The following CARF variants were observed in gnomAD, a reference collection of about 807,000 sequenced individuals.
CARF encodes the protein calcium-responsive transcription factor.
A neutral mutation model predicts 82.0 loss-of-function variants in CARF; 57 were observed. The ratio of observed to expected loss-of-function variants is 0.70; its 90% CI spans 0.56 to 0.87. The LOEUF is 0.87. CARF is among the 40% of genes least tolerant of loss of function. The pLI is 0.00. For missense variants in CARF, 771 were observed against 855.8 expected (o/e 0.90, Z 1.24); for synonymous variants, 268 against 290.1 (o/e 0.92, Z 0.77).
rs375235721 is a variant in CARF, at chr2:202,974,170, CTA to C, written c.1332-162_1332-161del. Among the ~76,000 whole-genome samples, 607 of 152,254 alleles carry C rather than the reference CTA, an allele frequency of 4.0e-3. 4 individuals carry two copies. Among genetic ancestry groups the C allele is most frequent in the African/African-American group, 0.014 (578 of 41,524 alleles). ...TACATTTCTATAGTCTGCAATAATT[CTA>C]TGTTGTATGGAAAAAGTTTAAATAG... is the stretch of plus-strand genomic sequence containing the variant. On this transcript the variant is annotated intron_variant, in intron 12 of 16. Transcript: ENST00000438828.
At chr2:202,927,212 T>C (rs1692006554) in intron 3 of CARF, among the ~76,000 whole-genome samples, 1 of 152,188 alleles carries the variant, frequency 6.6e-6, no homozygotes, top group Admixed American at 6.5e-5. Context: ...GCATTATGTC[T>C]TTTTATTCTG....
At chr2:202,974,036 C>T (rs193197181) in intron 12 of CARF, among the ~76,000 whole-genome samples, 13 of 151,828 alleles carry the variant, frequency 8.6e-5, no homozygotes, top group Admixed American at 2.6e-4. Context: ...TGCAGTGAGC[C>T]GAGATCACAC....
At chr2:202,937,463 T>G (rs1001269985) in intron 3 of CARF, among the ~76,000 whole-genome samples, 29 of 152,252 alleles carry the variant, frequency 1.9e-4, no homozygotes, top group Admixed American at 7.8e-4. Context: ...TGAAATATTT[T>G]TTTTTGCTAA....
chr2:202,964,895 A>ATATG (rs2059483659), intron 9 of CARF, among the ~76,000 whole-genome samples: 1 of 148,730 alleles, frequency 6.7e-6, no homozygotes, highest in Middle Eastern at 3.6e-3. Flanking sequence ...ATATATATAT[A>ATATG]TATATACACA....
chr2:202,983,404 A>C, intron 16 of CARF, 102 bp from the exon 17 acceptor site: 1 of 749,184 alleles, frequency 1.3e-6, no homozygotes, highest in Admixed American at 3.0e-5. Context: ...GAAGAACAAA[A>C]GTTTTCACAG....
At chr2:202,919,589 C>A (rs996830453) in intron 2 of CARF, among the ~76,000 whole-genome samples, 1 of 152,060 alleles carries the variant, frequency 6.6e-6, no homozygotes, top group Admixed American at 6.6e-5. Context: ...TTGTATGTTA[C>A]GGTACTGCTT....
intron 9 of CARF, among the ~76,000 whole-genome samples, chr2:202,963,793 A>G (rs1280562514): frequency 6.6e-6 from 1 of 152,108 alleles, no homozygotes; most frequent in African/African-American, 2.4e-5. Context: ...GCAGTTCATA[A>G]TAGGGTTCGT....
chr2:202,982,137 C>G lies in CARF; in HGVS notation c.1755C>G (p.Asn585Lys). 7 of 1,614,104 alleles carry G rather than the reference C, an allele frequency of 4.3e-6. No homozygotes were observed. Among genetic ancestry groups the G allele is most frequent in the Non-Finnish European group, 5.9e-6 (7 of 1,179,972 alleles). ...CACCAGCTGTGGTATCAGTAAATAA[C>G]CAGCCGTCCTCTAGTCCTTCAGGAC... The part of the protein sequence containing the change: ...DESPAVVSVN[N>K]QPSSSPSGLL... The change falls in exon 16 of 17, where the codon AAC becomes AAG. Residue 585 changes from asparagine (N) to lysine (K), a missense_variant. Physicochemically the swap from Asn to Lys is moderately conservative, Grantham distance 94 (BLOSUM62 0). Transcript: ENST00000438828.
intron 5 of CARF, among the ~76,000 whole-genome samples, chr2:202,949,740 G>A (rs1231429117): frequency 2.0e-5 from 3 of 151,738 alleles, no homozygotes; most frequent in East Asian, 3.9e-4. Context: ...TAGTAGAGAC[G>A]GGTTTCATCA....
chr2:202,942,794 A>C lies in CARF; in HGVS notation c.133A>C (p.Thr45Pro). ...TTCCTTTGGACAAAATGATTCTCCTACAGTTTTGCCCATCACTACTCGTGA... is the reference window on the plus strand; with the variant it reads ...TTCCTTTGGACAAAATGATTCTCCTCCAGTTTTGCCCATCACTACTCGTGA... ...DSSFGQNDSP[T>P]VLPITTREAN... Residue 45 changes from threonine to proline, a missense_variant, in exon 5 of 17, where the codon ACA becomes CCA. Transcript: ENST00000438828. 1 of 1,614,032 alleles carries C rather than the reference A, an allele frequency of 6.2e-7. No individual in the cohort carries two copies. Among genetic ancestry groups the C allele is most frequent in the South Asian group, 1.1e-5 (1 of 91,082 alleles).
intron 12 of CARF, among the ~76,000 whole-genome samples, chr2:202,973,114 C>T (rs2059873113): frequency 6.6e-6 from 1 of 152,098 alleles, no homozygotes; most frequent in Admixed American, 6.5e-5. Context: ...GTTGTATGTC[C>T]TTTCACTTAA....
At chr2:202,941,714 G>A in intron 3 of CARF, 146 bp from the exon 4 acceptor site, 1 of 444,730 alleles carries the variant, frequency 2.2e-6, no homozygotes, top group Non-Finnish European at 4.2e-6. Context: ...TTTAAAAAGT[G>A]TTAATTTTTT....
At chr2:202,972,827 C>G (rs571326038) in intron 12 of CARF, among the ~76,000 whole-genome samples, 2 of 152,244 alleles carry the variant, frequency 1.3e-5, no homozygotes, top group Admixed American at 1.3e-4. Context: ...ATATAGTAAG[C>G]CCCCTCTTAA....
At chr2:202,941,798 A>G in intron 3 of CARF, 62 bp from the exon 4 acceptor site, 1 of 791,326 alleles carries the variant, frequency 1.3e-6, no homozygotes, top group South Asian at 1.7e-5. Context: ...GATTTGTTTA[A>G]GATAAAACAG....
intron 12 of CARF, chr2:202,973,358 C>G: frequency 5.4e-6 from 2 of 368,090 alleles, no homozygotes; most frequent in South Asian, 4.3e-5. Flanking sequence ...ATTTGGTCCA[C>G]CAAATGTAAT....
At chr2:202,935,818 C>G (rs1047803632) in intron 3 of CARF, among the ~76,000 whole-genome samples, 3 of 151,886 alleles carry the variant, frequency 2.0e-5, no homozygotes, top group African/African-American at 7.3e-5. Flanking sequence ...CTAAAAACAC[C>G]AAAAATACTT....
At chr2:202,958,947 A>G (rs1356685349) in intron 8 of CARF, among the ~76,000 whole-genome samples, 4 of 149,150 alleles carry the variant, frequency 2.7e-5, no homozygotes, top group African/African-American at 9.8e-5. Flanking sequence ...CTGAGGAAAT[A>G]TTTTCTGCAT....
chr2:202,947,186 T>C (rs1031443963), intron 5 of CARF, among the ~76,000 whole-genome samples: 10 of 152,208 alleles, frequency 6.6e-5, no homozygotes, highest in African/African-American at 2.2e-4. Flanking sequence ...TGTATGTTTA[T>C]TGAAGCACTG....
intron 3 of CARF, among the ~76,000 whole-genome samples, chr2:202,935,314 A>G (rs1693744305): frequency 1.7e-5 from 1 of 59,110 alleles, no homozygotes; most frequent in South Asian, 8.3e-4. Context: ...TTATATTTAT[A>G]TTTGTATATT....
Sources: allele counts gnomAD v4.1 joint callset (sites outside exome capture counted in the v4.1 genomes callset), GRCh38; gene constraint gnomAD v4.1.1; transcripts MANE v1.5; gene names NCBI Gene and HGNC (gene_info 2026-07-23, HGNC 2026-07-21).